Variants in ABCA13 observed in about 807,000 individuals in gnomAD.
The protein encoded by ABCA13 is ATP-binding cassette sub-family A member 13.
ABCA13 carries 476 observed loss-of-function variants against 478.7 expected under a neutral mutation model. The ratio of observed to expected loss-of-function variants is 0.99; its 90% confidence interval spans 0.92 to 1.07. The LOEUF is 1.07. ABCA13 is among the 50% of genes least tolerant of loss of function. The probability of loss-of-function intolerance (pLI) is 0.00; values close to 1 mark genes in which losing one functional copy is unlikely to be tolerated. For synonymous variants in ABCA13, 2,252 were observed against 2,158.9 expected (o/e 1.04, Z -1.20); for missense variants, 6,060 against 5,910.6 (o/e 1.03, Z -0.83).
chr7:48,440,913 A>AATTATGTT (rs1361738843), intron 42 of ABCA13, among the ~76,000 whole-genome samples: 1 of 152,094 alleles, frequency 6.6e-6, no homozygotes, highest in Non-Finnish European at 1.5e-5. Flanking sequence ...AAGAAAGAAA[A>AATTATGTT]CTTATGTTTT....
Position 48,403,722 on chromosome 7 carries a change from A to G in ABCA13, c.11913A>G (p.Lys3971=), listed in dbSNP as rs1817907334. 3 of 1,613,994 alleles carry G rather than the reference A, an allele frequency of 1.9e-6. No homozygotes were observed. Among genetic ancestry groups the G allele is most frequent in the Non-Finnish European group, 2.5e-6 (3 of 1,179,884 alleles). Residue 3971 remains lysine (K), a synonymous_variant, in exon 39 of 62, where the codon AAA becomes AAG. Transcript: ENST00000435803. ...TGGACTTAACTCAGCATCAGCACAAACAGACCCGAGCTCTGTCTGGAGGCC... is the reference window on the plus strand; with the variant it reads ...TGGACTTAACTCAGCATCAGCACAAGCAGACCCGAGCTCTGTCTGGAGGCC... ...QDVDLTQHQH[K]QTRALSGGLK...
intron 15 of ABCA13, 52 bp downstream of exon 15, chr7:48,249,403 G>A: frequency 6.2e-7 from 1 of 1,600,940 alleles, no homozygotes. Context: ...CCCTTTTAGT[G>A]AGGTGACATA....
At chr7:48,215,154 G>A (rs2128952886) in intron 3 of ABCA13, among the ~76,000 whole-genome samples, 1 of 152,114 alleles carries the variant, frequency 6.6e-6, no homozygotes, top group South Asian at 2.1e-4. Context: ...TCTAGCTTTT[G>A]ATTTAAAGTG....
intron 15 of ABCA13, 122 bp from the exon 16 acceptor site, chr7:48,268,858 T>G: frequency 2.3e-6 from 1 of 426,164 alleles, no homozygotes; most frequent in East Asian, 4.5e-5. Context: ...ATCTTTTTTT[T>G]TTTTTTTTTT....
chr7:48,239,260 T>G lies in ABCA13; in HGVS notation c.917T>G (p.Leu306Trp), dbSNP rs1224024453. The G allele has an allele frequency of 5.0e-6, 8 of 1,613,808 alleles. No individual in the cohort carries two copies. Among genetic ancestry groups the G allele is most frequent in the Non-Finnish European group, 6.8e-6 (8 of 1,179,848 alleles). ...TGTCAGATTCCCACAGACACTTCCT[T>G]GGAGAAGATGGTGTGTTCAGTCTTG... The part of the protein sequence containing the change: ...ELKEIPTDTS[L>W]EKMVCSVLSS... The change falls in exon 9 of 62, where the codon TTG becomes TGG. Residue 306 changes from leucine (L) to tryptophan (W), a missense_variant. Around this residue, in one of 3 missense-constraint regions of ABCA13, gnomAD observed 4,423 missense variants for 4,309.1 expected, o/e 1.03. Transcript: ENST00000435803.
intron 55 of ABCA13, among the ~76,000 whole-genome samples, chr7:48,562,637 G>A (rs1234717138): frequency 6.6e-6 from 1 of 152,134 alleles, no homozygotes; most frequent in Non-Finnish European, 1.5e-5. Context: ...TCTGAAGAGT[G>A]ACATGTTAAT....
rs574893927 is a variant in ABCA13, at chr7:48,296,077, G to A, written c.9119+214G>A. The stretch of plus-strand genomic sequence containing the variant: ...ATTAATCAGAAGGCTAACTTTATTG[G>A]CGATAAAGATATTAGATATAAGAAT... On this transcript the variant is annotated intron_variant, in intron 21 of 61. Coordinates refer to ENST00000435803, the MANE Select transcript of ABCA13 (RefSeq NM_152701.5). Among the ~76,000 whole-genome samples the A allele has an allele frequency of 2.6e-5, 4 of 152,080 alleles. No individual in the cohort carries two copies. The South Asian group carries it at 8.3e-4, about 32-fold the overall frequency.
At chr7:48,415,396 C>G (rs1819841738) in intron 41 of ABCA13, among the ~76,000 whole-genome samples, 1 of 152,168 alleles carries the variant, frequency 6.6e-6, no homozygotes, top group African/African-American at 2.4e-5. Context: ...TAATCATTCA[C>G]CGGGTTAATC....
intron 40 of ABCA13, among the ~76,000 whole-genome samples, chr7:48,410,981 TTCTTTC>T (rs1322862283): frequency 2.9e-5 from 1 of 34,800 alleles, no homozygotes; most frequent in African/African-American, 1.2e-4. Flanking sequence ...TCTTTTCTCT[TTCTTTC>T]TTTCTTTCTT....
Position 48,511,093 on chromosome 7 carries a change from T to C in ABCA13, c.13534T>C (p.Leu4512=). 1 of 1,613,574 alleles carries C rather than the reference T, an allele frequency of 6.2e-7. No homozygotes were observed. Among genetic ancestry groups the C allele is most frequent in the Non-Finnish European group, 8.5e-7 (1 of 1,179,548 alleles). ...CTTTTTATCTTCTCAGCTCTTTTAC[T>C]TGGTTTCCGTCTGCCTGTGTGTTGC... ...TNFLYDMLFY[L]VSVCLCVAVI... is the part of the protein sequence containing the mutation. Residue 4512 remains leucine (L), a synonymous_variant, in exon 51 of 62, where the codon TTG becomes CTG. Transcript: ENST00000435803.
chr7:48,237,361 C>T (rs183297673), intron 8 of ABCA13, among the ~76,000 whole-genome samples: 5 of 152,250 alleles, frequency 3.3e-5, no homozygotes, highest in Non-Finnish European at 7.4e-5. Context: ...CTTACAAGGG[C>T]AGGTTCTGTA....
chr7:48,489,119 G>A (rs1331120624), intron 47 of ABCA13, 117 bp from the exon 48 acceptor site: 2 of 754,380 alleles, frequency 2.7e-6, no homozygotes, highest in African/African-American at 3.5e-5. Flanking sequence ...TTTGAATCCT[G>A]CACTCAGGTG....
At chr7:48,498,038 G>A (rs1830430339) in intron 48 of ABCA13, among the ~76,000 whole-genome samples, 2 of 152,162 alleles carry the variant, frequency 1.3e-5, no homozygotes. Context: ...GAGAAGTAGA[G>A]TGGCGGCTAG....
At chr7:48,479,903 G>A (rs529220515) in intron 45 of ABCA13, among the ~76,000 whole-genome samples, 1 of 152,136 alleles carries the variant, frequency 6.6e-6, no homozygotes, top group Non-Finnish European at 1.5e-5. Context: ...AGGTAAGCCT[G>A]TTTTCATTTT....
In ABCA13 at chr7:48,193,063, C is replaced by CT. The variant is rs1797314126; in HGVS notation, c.163+16dup. 2 of 1,509,476 alleles carry CT rather than the reference C, an allele frequency of 1.3e-6. No homozygotes were observed. Among genetic ancestry groups the CT allele is most frequent in the South Asian group, 2.5e-5 (2 of 79,434 alleles). The allele number at this position is 1,509,476 out of a possible 1,614,324, so 93.5% of individuals were successfully genotyped here. On this transcript the variant is annotated intron_variant, in intron 2 of 61. Coordinates refer to ENST00000435803, the MANE Select transcript of ABCA13 (RefSeq NM_152701.5). ...GATACAGAGACATTTGTAAGTTTCA[C>CT]TTTTTAATATACTTTTTGAATTAAC...
In ABCA13 at chr7:48,367,855, G is replaced by A. The variant is rs763516195; in HGVS notation, c.10750G>A (p.Val3584Met). 1.5e-5 allele frequency: 23 copies of A among 1,583,100 alleles called. No individual in the cohort carries two copies. The highest frequency in any genetic ancestry group is 4.0e-5 in the African/African-American group (3 of 74,554). The part of the protein sequence containing the change: ...LIMMLTWMVS[V>M]ASMVRKLVYE... ...AATGATGCTGACGTGGATGGTGTCTGTGGCCAGCATGGTCAGAAAGTTGGT... is the reference window on the plus strand; with the variant it reads ...AATGATGCTGACGTGGATGGTGTCTATGGCCAGCATGGTCAGAAAGTTGGT... Residue 3584 changes from valine (V) to methionine (M), a missense_variant, in exon 32 of 62, where the codon GTG becomes ATG. Physicochemically the swap from Val to Met is conservative, Grantham distance 21. Transcript: ENST00000435803.
chr7:48,255,920 C>T (rs1793321196), intron 15 of ABCA13, among the ~76,000 whole-genome samples: 1 of 152,132 alleles, frequency 6.6e-6, no homozygotes, highest in African/African-American at 2.4e-5. Flanking sequence ...ATTTACTTTC[C>T]CTCTAACAGT....
intron 59 of ABCA13, among the ~76,000 whole-genome samples, chr7:48,619,840 A>G (rs1223421644): frequency 6.6e-6 from 1 of 151,888 alleles, no homozygotes; most frequent in Admixed American, 6.6e-5. Context: ...CTGCAACATT[A>G]CTCCCCAGAC....
chr7:48,252,175 A>G (rs1306716183), intron 15 of ABCA13, among the ~76,000 whole-genome samples: 1 of 151,994 alleles, frequency 6.6e-6, no homozygotes, highest in Non-Finnish European at 1.5e-5. Context: ...ATGGTGTCTC[A>G]TAAGTTCCTT....
Sources: gnomAD v4.1 joint callset for allele counts (sites outside exome capture counted in the v4.1 genomes callset) on GRCh38, gnomAD v4.1.1 for gene constraint, gnomAD v4.1.1 regional missense constraint, MANE v1.5 for transcripts, NCBI Gene and HGNC (gene_info 2026-07-23, HGNC 2026-07-21) for gene names.